Variants in NDUFA10 observed in about 807,000 individuals in gnomAD.
The protein encoded by NDUFA10 is NADH:ubiquinone oxidoreductase subunit A10, also known as NADH dehydrogenase [ubiquinone] 1 alpha subcomplex subunit 10, mitochondrial.
Under a neutral mutation model 47.8 loss-of-function variants are expected in NDUFA10, and 40 were observed. That is an observed-to-expected ratio of 0.84 (90% CI 0.65 to 1.09). The LOEUF (loss-of-function observed/expected upper bound fraction) is 1.09, where lower values mean the gene tolerates loss of function less well. Ranked by LOEUF, NDUFA10 falls within the 50% of genes least tolerant of loss-of-function variation. The probability of loss-of-function intolerance (pLI) is 0.00; values close to 1 mark genes in which losing one functional copy is unlikely to be tolerated. For missense variants in NDUFA10, 413 were observed against 451.1 expected (o/e 0.92, Z 0.76); for synonymous variants, 183 against 172.2 (o/e 1.06, Z -0.49).
At chr2:239,924,523 C>A (rs1018087777) in intron 4 of NDUFA10, among the ~76,000 whole-genome samples, 3 of 151,848 alleles carry the variant, frequency 2.0e-5, no homozygotes, top group African/African-American at 4.8e-5. Flanking sequence ...TAAAAAAAAA[C>A]CTCTCGGCAA....
At chr2:239,955,833 T>C (rs1262002814), downstream of NDUFA10, among the ~76,000 whole-genome samples, 2 of 152,096 alleles carry the variant, frequency 1.3e-5, no homozygotes, top group African/African-American at 4.8e-5. Context: ...CTACCTCACC[T>C]GTGGGCACGG....
At position 239,959,386 on chromosome 2, in the gene NDUFA10, A is replaced by T; in HGVS notation, c.*1732T>A. On this transcript the variant is annotated 3_prime_UTR_variant, in exon 10 of 10. Coordinates refer to ENST00000252711, the MANE Select transcript of NDUFA10 (RefSeq NM_004544.4). ...CAGCTAGCTCTTTGCAGCCAAAGAC[A>T]TTAGGAACAGCTAAGATAATTAAAG... 1.0e-6 allele frequency: 1 copy of T among 985,518 alleles called. No homozygotes were observed. The highest frequency in any genetic ancestry group is 1.2e-6 in the Non-Finnish European group (1 of 829,948). 61.0% of individuals were successfully genotyped at this position (985,518 alleles called of 1,614,324 possible).
At chr2:239,899,883 G>A (rs905685760) in intron 4 of NDUFA10, among the ~76,000 whole-genome samples, 5 of 151,794 alleles carry the variant, frequency 3.3e-5, no homozygotes, top group Non-Finnish European at 7.4e-5. Flanking sequence ...CAGCCGGGAA[G>A]CCCACCAATC....
intron 4 of NDUFA10, among the ~76,000 whole-genome samples, 175 bp from the exon 5 acceptor site, chr2:240,015,035 C>A (rs147685474): frequency 6.6e-6 from 1 of 152,368 alleles, no homozygotes; most frequent in East Asian, 1.9e-4. Flanking sequence ...TGGCATGTGA[C>A]TGTGCTCCAG....
chr2:239,960,572 C>G lies in NDUFA10; in HGVS notation c.*546G>C, dbSNP rs192485848. On this transcript the variant is annotated 3_prime_UTR_variant, in exon 10 of 10. Transcript: ENST00000252711. Reference sequence around the variant, plus strand: ...TCTTCACGTTCTTATTTTTTCTACTCTAATGTAGCACATTACTAAAATAAA... The same window carrying G: ...TCTTCACGTTCTTATTTTTTCTACTGTAATGTAGCACATTACTAAAATAAA... 1.0e-6 allele frequency: 1 copy of G among 1,002,496 alleles called. No individual in the cohort carries two copies. Among genetic ancestry groups the G allele is most frequent in the Non-Finnish European group, 1.2e-6 (1 of 837,978 alleles). The allele number at this position is 1,002,496 out of a possible 1,614,324, so 62.1% of individuals were successfully genotyped here.
chr2:239,998,641 T>G (rs1250639809), intron 8 of NDUFA10, among the ~76,000 whole-genome samples: 2 of 152,184 alleles, frequency 1.3e-5, no homozygotes, highest in African/African-American at 4.8e-5. Flanking sequence ...CTGCCTTCTT[T>G]CTGGGAGTCT....
chr2:239,976,834 T>A (rs1695544583), intron 9 of NDUFA10, among the ~76,000 whole-genome samples: 2 of 152,028 alleles, frequency 1.3e-5, no homozygotes, highest in African/African-American at 4.8e-5. Context: ...AGGAAGGAGT[T>A]CCAGTAAAAA....
intron 4 of NDUFA10, among the ~76,000 whole-genome samples, chr2:239,919,432 G>GA: frequency 7.8e-6 from 1 of 128,132 alleles, no homozygotes; most frequent in Middle Eastern, 3.9e-3. Context: ...GCTCCTCGAG[G>GA]GCAGGGGCAT....
rs762164705 is a variant in NDUFA10, at chr2:240,016,521, C to T, written c.548-1661G>A. 4.6e-5 allele frequency among the ~76,000 whole-genome samples: 7 copies of T among 152,182 alleles called. No homozygotes were observed. Among genetic ancestry groups the T allele is most frequent in the Non-Finnish European group, 1.0e-4 (7 of 68,028 alleles). ...GACTCTGGCTAACATCACCAGCCCC[C>T]GAAAGGTGAAACGTGACAGTCACTT... On this transcript the variant is annotated intron_variant, in intron 4 of 9. Coordinates refer to ENST00000252711, the MANE Select transcript of NDUFA10 (RefSeq NM_004544.4). The surrounding 1 kb of genome is among the most constrained non-coding windows in gnomAD (Gnocchi z 4.4).
chr2:239,939,426 C>T (rs1422381056), intron 4 of NDUFA10, among the ~76,000 whole-genome samples: 4 of 152,264 alleles, frequency 2.6e-5, no homozygotes, highest in Non-Finnish European at 5.9e-5. Context: ...GAGGCAGCTG[C>T]AGTGGAAACA....
chr2:240,018,729 A>G lies in NDUFA10; in HGVS notation c.461-90T>C, dbSNP rs995176222. 3.3e-5 allele frequency: 43 copies of G among 1,284,512 alleles called. No homozygotes were observed. The Admixed American group carries it at 7.6e-4, about 23-fold the overall frequency. The allele number at this position is 1,284,512 out of a possible 1,614,324, so 79.6% of individuals were successfully genotyped here. A position where few individuals can be genotyped will look rare whatever the true frequency, so the allele number is the denominator to read the frequency against. ...ACTGCATTCCAGAGAAAAGAAAATA[A>G]CAATCATTTACAATTCCATTTCCAC... On this transcript the variant is annotated intron_variant, in intron 3 of 9. Coordinates refer to ENST00000252711, the MANE Select transcript of NDUFA10 (RefSeq NM_004544.4).
chr2:239,959,351 T>C lies in NDUFA10; in HGVS notation c.*1767A>G, dbSNP rs994351745. On this transcript the variant is annotated 3_prime_UTR_variant, in exon 10 of 10. Coordinates refer to ENST00000252711, the MANE Select transcript of NDUFA10 (RefSeq NM_004544.4). The stretch of plus-strand genomic sequence containing the variant: ...GACACTACCCGTGCAACCACCAAGG[T>C]TGAAGGAAACAGCTAGCTCTTTGCA... 13 of 985,426 alleles carry C rather than the reference T, an allele frequency of 1.3e-5. No individual in the cohort carries two copies. The South Asian group carries it at 1.9e-4, about 14-fold the overall frequency. The allele number at this position is 985,426 out of a possible 1,614,324, so 61.0% of individuals were successfully genotyped here. A position where few individuals can be genotyped will look rare whatever the true frequency, so the allele number is the denominator to read the frequency against.
intron 9 of NDUFA10, among the ~76,000 whole-genome samples, chr2:239,979,411 G>A (rs1025567804): frequency 9.9e-5 from 15 of 152,132 alleles, no homozygotes; most frequent in Admixed American, 7.9e-4. Context: ...TCCACCGTCC[G>A]GTGAGGAAAG....
At chr2:239,920,929 G>T (rs1049444116) in intron 4 of NDUFA10, among the ~76,000 whole-genome samples, 2 of 152,086 alleles carry the variant, frequency 1.3e-5, no homozygotes, top group African/African-American at 4.8e-5. Context: ...AGGTGGGCAG[G>T]TTTCTCCTGT....
intron 4 of NDUFA10, among the ~76,000 whole-genome samples, chr2:239,902,365 G>A (rs1693568782): frequency 6.6e-6 from 1 of 151,874 alleles, no homozygotes; most frequent in South Asian, 2.1e-4. Flanking sequence ...GCAGTGAAAT[G>A]ATTACAACTT....
At chr2:239,947,844 A>C (rs1694481501) in intron 4 of NDUFA10, among the ~76,000 whole-genome samples, 1 of 152,214 alleles carries the variant, frequency 6.6e-6, no homozygotes, top group African/African-American at 2.4e-5. Context: ...CCAGTGCAAG[A>C]TGAAAACGGG....
chr2:239,910,174 A>G (rs923207811), intron 4 of NDUFA10, among the ~76,000 whole-genome samples: 4 of 152,224 alleles, frequency 2.6e-5, no homozygotes, highest in Admixed American at 2.6e-4. Context: ...TCAAAGATCC[A>G]GAAGCAGAAA....
chr2:239,978,444 A>G (rs989326052), intron 9 of NDUFA10, among the ~76,000 whole-genome samples: 1 of 152,112 alleles, frequency 6.6e-6, no homozygotes, highest in Non-Finnish European at 1.5e-5. Context: ...CCCAGGGCCC[A>G]CACAGTCTGG....
chr2:239,951,003 C>T (rs2106383995), intron 4 of NDUFA10, among the ~76,000 whole-genome samples: 1 of 152,328 alleles, frequency 6.6e-6, no homozygotes, highest in Non-Finnish European at 1.5e-5. Context: ...GTTCCTTTGT[C>T]AGGTAGTTGC....
Sources: allele counts gnomAD v4.1 joint callset (sites outside exome capture counted in the v4.1 genomes callset), GRCh38; gene constraint gnomAD v4.1.1; non-coding constraint Gnocchi (gnomAD v3.1); transcripts MANE v1.5; gene names NCBI Gene and HGNC (gene_info 2026-07-23, HGNC 2026-07-21).